Variants in PPP2R5C observed in about 807,000 individuals in gnomAD.
PPP2R5C encodes protein phosphatase 2 regulatory subunit B'gamma, also known as serine/threonine-protein phosphatase 2A 56 kDa regulatory subunit gamma isoform.
PPP2R5C carries 7 observed loss-of-function variants against 68.9 expected under a neutral mutation model. That is an observed-to-expected ratio of 0.10 (90% confidence interval 0.06 to 0.19). PPP2R5C has a LOEUF of 0.19. PPP2R5C is among the 10% of genes least tolerant of loss of function. The pLI is 1.00. For synonymous variants in PPP2R5C, 210 were observed against 222.2 expected, an observed-to-expected ratio of 0.95 and a Z score of 0.49; for missense variants, 348 against 641.3, an observed-to-expected ratio of 0.54 and a Z score of 4.94.
At chr14:101,912,694 CT>C in intron 12 of PPP2R5C, 1 of 988,852 alleles carries the variant, frequency 1.0e-6, no homozygotes, top group Non-Finnish European at 1.3e-6. Flanking sequence ...TTTTCCTCTG[CT>C]TTTTAAATAA....
chr14:101,856,860 C>T (rs1483075031), exon 2 of PPP2R5C: 1 of 1,614,030 alleles, frequency 6.2e-7, no homozygotes, highest in Admixed American at 1.7e-5. Context: ...ATCACAGAGC[C>T]TATTTACCCA....
At chr14:101,876,612 A>G (rs2043796400) in intron 2 of PPP2R5C, among the ~76,000 whole-genome samples, 1 of 152,210 alleles carries the variant, frequency 6.6e-6, no homozygotes, top group Non-Finnish European at 1.5e-5. Context: ...TAATTTAATA[A>G]ATTTAGCAAT....
intron 2 of PPP2R5C, among the ~76,000 whole-genome samples, chr14:101,783,375 G>A (rs1330154650): frequency 6.7e-6 from 1 of 149,988 alleles, no homozygotes; most frequent in East Asian, 2.0e-4. Flanking sequence ...ATGCGGAGAG[G>A]CCCTGCCCTC....
chr14:101,921,008 T>C (rs1311933940), intron 13 of PPP2R5C: 2 of 160,870 alleles, frequency 1.2e-5, no homozygotes, highest in African/African-American at 2.4e-5. Flanking sequence ...TGAAGGTATT[T>C]ATGAAGTGCA....
chr14:101,814,699 T>C (rs1420098308), intron 1 of PPP2R5C, among the ~76,000 whole-genome samples: 1 of 152,204 alleles, frequency 6.6e-6, no homozygotes, highest in African/African-American at 2.4e-5. Context: ...TAGTCAAGAA[T>C]AGGGTGTGTG....
At chr14:101,760,792 C>A (rs1349345368), upstream of PPP2R5C, 1 of 13,546 alleles carries the variant, frequency 7.4e-5, no homozygotes, top group African/African-American at 5.7e-4. Flanking sequence ...GGGAAGGGGC[C>A]GGCCGAGGGG....
At chr14:101,925,573 C>T (rs1330941473) in exon 14 of PPP2R5C, 3 of 238,094 alleles carry the variant, frequency 1.3e-5, no homozygotes, top group Non-Finnish European at 2.4e-5. Context: ...CCCTGCCCTT[C>T]ATCTTCATGT....
Position 101,847,213 on chromosome 14 carries a change from CTG to C in PPP2R5C, c.95-9472_95-9471del, listed in dbSNP as rs1375201149. Among the ~76,000 whole-genome samples the C allele has an allele frequency of 2.0e-5, 3 of 152,092 alleles. No homozygotes were observed. The East Asian group carries it at 5.8e-4, about 29-fold the overall frequency. ...AATGGTAAAAAGACAAAGTTCTCCT[CTG>C]AGAAAATTTATAATTAAGCATCCAG... On this transcript the variant is annotated intron_variant, in intron 1 of 13. Transcript: ENST00000334743.
At chr14:101,819,476 C>T (rs2039918167) in intron 1 of PPP2R5C, 1 of 170,340 alleles carries the variant, frequency 5.9e-6, no homozygotes, top group South Asian at 1.7e-4. Flanking sequence ...TAGCAACACA[C>T]CAGTCTGACC....
chr14:101,861,549 A>G (rs961886601), intron 2 of PPP2R5C, among the ~76,000 whole-genome samples: 2 of 152,268 alleles, frequency 1.3e-5, no homozygotes, highest in African/African-American at 4.8e-5. Flanking sequence ...AGAAATAGAA[A>G]CAGCCAGTTT....
chr14:101,898,970 C>T (rs2045522168), intron 8 of PPP2R5C, among the ~76,000 whole-genome samples: 1 of 152,170 alleles, frequency 6.6e-6, no homozygotes, highest in Non-Finnish European at 1.5e-5. Context: ...GTCCATCTCC[C>T]AGGCCTGCAC....
chr14:101,886,678 T>A (rs1285549853), intron 5 of PPP2R5C, among the ~76,000 whole-genome samples: 1 of 152,196 alleles, frequency 6.6e-6, no homozygotes, highest in Non-Finnish European at 1.5e-5. Context: ...AGAAGAAAGA[T>A]CTTGAGAGTT....
At chr14:101,862,816 ATTTT>A (rs71116853) in intron 2 of PPP2R5C, among the ~76,000 whole-genome samples, 1 of 127,218 alleles carries the variant, frequency 7.9e-6, no homozygotes. Flanking sequence ...GACATGATGG[ATTTT>A]TTTTTTTTTT....
chr14:101,771,222 C>CGTGTGTGTGT (rs3993402), intron 2 of PPP2R5C, among the ~76,000 whole-genome samples: 2,700 of 135,416 alleles, frequency 0.02, 50 homozygotes, highest in South Asian at 0.031. Flanking sequence ...TTCTTCATCT[C>CGTGTGTGTGT]GTGTGTGTGT....
rs979121091 is a variant in PPP2R5C at position 101,890,110 on chromosome 14, C to A, written c.630-127C>A. On this transcript the variant is annotated intron_variant, in intron 5 of 13. Transcript: ENST00000334743. ...TGGTTCCTGAAGGGCTGCTTGCTCA[C>A]CACGAGCAGTGTTTGCACAAATAGA... is the stretch of plus-strand genomic sequence containing the variant. The A allele has an allele frequency of 6.3e-5, 54 of 854,894 alleles. No individual in the cohort carries two copies. The East Asian group carries it at 1.4e-3, about 22-fold the overall frequency. 53.0% of individuals were successfully genotyped at this position (854,894 alleles called of 1,614,324 possible). A position where few individuals can be genotyped will look rare whatever the true frequency, so the allele number is the denominator to read the frequency against.
intron 1 of PPP2R5C, among the ~76,000 whole-genome samples, chr14:101,853,949 G>T (rs1017404633): frequency 6.6e-6 from 1 of 152,108 alleles, no homozygotes; most frequent in African/African-American, 2.4e-5. Flanking sequence ...CACAGGCTGC[G>T]ACAACACACA....
At chr14:101,815,380 A>G (rs1246063955) in intron 1 of PPP2R5C, among the ~76,000 whole-genome samples, 1 of 151,958 alleles carries the variant, frequency 6.6e-6, no homozygotes, top group Non-Finnish European at 1.5e-5. Flanking sequence ...TGGAGTTCAA[A>G]ACTCATTTCA....
chr14:101,831,592 T>A, intron 1 of PPP2R5C: 1 of 564,246 alleles, frequency 1.8e-6, no homozygotes, highest in East Asian at 2.8e-5. Flanking sequence ...CAACTCCTTA[T>A]CATAGTACAT....
At chr14:101,780,503 A>G (rs1042943024) in intron 2 of PPP2R5C, among the ~76,000 whole-genome samples, 7 of 152,120 alleles carry the variant, frequency 4.6e-5, no homozygotes, top group Non-Finnish European at 8.8e-5. Context: ...CTTGCATGTA[A>G]CAGGGCCCAC....
Sources: gnomAD v4.1 joint callset for allele counts (sites outside exome capture counted in the v4.1 genomes callset) on GRCh38, gnomAD v4.1.1 for gene constraint, MANE v1.5 for transcripts, NCBI Gene and HGNC (gene_info 2026-07-23, HGNC 2026-07-21) for gene names.